The following CPNE1 variants were observed in gnomAD, a reference collection of about 807,000 sequenced individuals.
CPNE1 encodes copine-1.
In CPNE1, 58 loss-of-function variants were observed where a neutral mutation model predicts 63.2. The observed-to-expected ratio is 0.92, with a 90% CI of 0.74 to 1.14. The LOEUF (loss-of-function observed/expected upper bound fraction) is 1.14, where lower values mean the gene tolerates loss of function less well. CPNE1 is among the 50% of genes most tolerant of loss of function. The pLI is 0.00. For synonymous variants in CPNE1, 237 were observed against 249.0 expected, an observed-to-expected ratio of 0.95 and a Z score of 0.45; for missense variants, 672 against 661.7, an observed-to-expected ratio of 1.02 and a Z score of -0.17.
intron 1 of CPNE1, chr20:35,655,245 C>T (rs2033825951): frequency 6.2e-7 from 1 of 1,613,872 alleles, no homozygotes; most frequent in South Asian, 1.1e-5. Context: ...CAGGAATGGT[C>T]AATCCAGAGA....
Position 35,626,172 on chromosome 20 carries a change from G to C in CPNE1, c.*69C>G, listed in dbSNP as rs2031721149. The stretch of plus-strand genomic sequence containing the variant: ...TGCTAGCACTGAGGAGAGTGAGAAG[G>C]GTTGGGTTGTGGCCCAGAGGGACCT... On this transcript the variant is annotated 3_prime_UTR_variant, in exon 16 of 16. Transcript: ENST00000397443. The C allele has an allele frequency of 6.7e-7, 1 of 1,485,350 alleles. No individual in the cohort carries two copies. The highest frequency in any genetic ancestry group is 9.4e-7 in the Non-Finnish European group (1 of 1,063,446). The allele number at this position is 1,485,350 out of a possible 1,614,324, so 92.0% of individuals were successfully genotyped here.
intron 1 of CPNE1, among the ~76,000 whole-genome samples, chr20:35,655,832 AATCC>A (rs2146357474): frequency 6.6e-6 from 1 of 152,344 alleles, no homozygotes; most frequent in South Asian, 2.1e-4. Flanking sequence ...TCAGTCTCAA[AATCC>A]ATCCAACAGA....
chr20:35,662,806 C>T (rs768821654), intron 1 of CPNE1, among the ~76,000 whole-genome samples: 3 of 152,122 alleles, frequency 2.0e-5, no homozygotes, highest in Non-Finnish European at 4.4e-5. Context: ...AAACATTTGA[C>T]GTGTCAAAGA....
intron 1 of CPNE1, chr20:35,652,928 A>G (rs1280517542): frequency 1.2e-6 from 2 of 1,613,814 alleles, no homozygotes; most frequent in Non-Finnish European, 8.5e-7. Context: ...GGACCGCCTA[A>G]GCTACCAGGG....
In CPNE1 at chr20:35,631,286, G is replaced by A. The variant is rs780991940; in HGVS notation, c.783C>T (p.Ile261=). 4 of 1,614,062 alleles carry A rather than the reference G, an allele frequency of 2.5e-6. No individual in the cohort carries two copies. The highest frequency in any genetic ancestry group is 3.4e-6 in the Non-Finnish European group (4 of 1,180,028). ...GTCTCACCCGACAAATCTTGACACG[G>A]ATAGTTCCAGAGTTCTTGTAGCTTT... ...KKKSYKNSGT[I]RVKICRVETE... The change falls in exon 9 of 16, where the codon ATC becomes ATT. Residue 261 remains isoleucine, a synonymous_variant. Coordinates refer to ENST00000397443, the MANE Select transcript of CPNE1 (RefSeq NM_152925.3).
Position 35,632,229 on chromosome 20 carries a change from T to TGAG in CPNE1, c.387_389dup (p.Ser130dup), listed in dbSNP as rs908107392. 5.6e-6 allele frequency: 9 copies of TGAG among 1,613,980 alleles called. No individual in the cohort carries two copies. In the Admixed American group the frequency reaches 1.0e-4, roughly 18 times the overall value. ...CACGATTGTCCTTTAATTCCTGAGC[T>TGAG]GAGACCTAGGTAGGGGAGACTACAT... On this transcript the variant is annotated inframe_insertion, in exon 5 of 16. Transcript: ENST00000397443.
rs1474847975 is a variant in CPNE1, at chr20:35,631,781, A to G, written c.538-4T>C. On this transcript the variant is annotated splice_region_variant and splice_polypyrimidine_tract_variant and intron_variant, in intron 6 of 15. Transcript: ENST00000397443. Reference sequence around the variant, plus strand: ...GGTTCAGGTTGTTCTTGATGACCTGAAGGTGGAGGCCAAGGCCTCCAGTGA... The same window carrying G: ...GGTTCAGGTTGTTCTTGATGACCTGGAGGTGGAGGCCAAGGCCTCCAGTGA... 7 of 1,613,332 alleles carry G rather than the reference A, an allele frequency of 4.3e-6. No individual in the cohort carries two copies. The highest frequency in any genetic ancestry group is 5.9e-6 in the Non-Finnish European group (7 of 1,179,616).
At chr20:35,627,927 T>C (rs2031863237) in intron 13 of CPNE1, among the ~76,000 whole-genome samples, 1 of 151,532 alleles carries the variant, frequency 6.6e-6, no homozygotes, top group South Asian at 2.1e-4. Context: ...GGAGGACTGC[T>C]TGAGCCCAGG....
chr20:35,658,798 C>CAA (rs746928595), intron 1 of CPNE1: 27 of 507,540 alleles, frequency 5.3e-5, no homozygotes, highest in Admixed American at 8.3e-5. Context: ...AACAAGCAAA[C>CAA]AAAAACACAC....
At chr20:35,630,018 C>T (rs1050072514) in intron 13 of CPNE1, among the ~76,000 whole-genome samples, 3 of 152,002 alleles carry the variant, frequency 2.0e-5, no homozygotes, top group East Asian at 1.9e-4. Context: ...CTGGGTCAGG[C>T]GCTGTGGCTC....
chr20:35,631,402 C>G (rs1449454069), intron 8 of CPNE1, 48 bp from the exon 9 acceptor site: 4 of 1,607,180 alleles, frequency 2.5e-6, no homozygotes, highest in African/African-American at 1.3e-5. Context: ...GAGCATCAGT[C>G]AAGGACTCGA....
Position 35,626,217 on chromosome 20 carries a change from A to C in CPNE1, c.*24T>G, listed in dbSNP as rs771613915. 5.6e-6 allele frequency: 9 copies of C among 1,613,800 alleles called. No homozygotes were observed. The South Asian group carries it at 7.7e-5, about 14-fold the overall frequency. On this transcript the variant is annotated 3_prime_UTR_variant, in exon 16 of 16. Coordinates refer to ENST00000397443, the MANE Select transcript of CPNE1 (RefSeq NM_152925.3). ...GGACCTCTGGGACACAGGATTGAGG[A>C]CTTGCCACAGCCTCCAAGGGAACCT...
intron 1 of CPNE1, among the ~76,000 whole-genome samples, chr20:35,645,329 A>C (rs577229291): frequency 4.6e-5 from 7 of 152,326 alleles, no homozygotes; most frequent in African/African-American, 1.7e-4. Flanking sequence ...AAGCAAAGGA[A>C]TATTTCAACA....
In CPNE1 at chr20:35,632,915, G is replaced by C; in HGVS notation, c.9C>G (p.His3Gln). ...TGGACAGCTGAACCAAGGTCACGCA[G>C]TGGGCCATCTGAGGGAAAAGGAGCT... MA[H>Q]CVTLVQLSIS... The change falls in exon 2 of 16, where the codon CAC becomes CAG. Residue 3 changes from histidine (H) to glutamine (Q), a missense_variant. His to Gln is a conservative substitution (Grantham distance 24). Transcript: ENST00000397443. 1.1e-6 allele frequency: 1 copy of C among 872,196 alleles called. No individual in the cohort carries two copies. Among genetic ancestry groups the C allele is most frequent in the Non-Finnish European group, 2.0e-6 (1 of 501,240 alleles). 54.0% of individuals were successfully genotyped at this position (872,196 alleles called of 1,614,324 possible).
intron 13 of CPNE1, among the ~76,000 whole-genome samples, chr20:35,629,653 T>G (rs1295258585): frequency 6.6e-6 from 1 of 150,482 alleles, no homozygotes; most frequent in Non-Finnish European, 1.5e-5. Flanking sequence ...TCATGTGGCA[T>G]CATTTTTTTT....
intron 1 of CPNE1, among the ~76,000 whole-genome samples, chr20:35,663,171 TC>T (rs1468228976): frequency 6.6e-6 from 1 of 152,222 alleles, no homozygotes; most frequent in Non-Finnish European, 1.5e-5. Context: ...CTGCACACTT[TC>T]CACTAAATCC....
In CPNE1 at chr20:35,631,774, T is replaced by C; in HGVS notation, c.541A>G (p.Ile181Val). ...CATGTAGGGTTCAGGTTGTTCTTGA[T>C]GACCTGAAGGTGGAGGCCAAGGCCT... Reference protein sequence around the residue: ...KWHLVYRSEVIKNNLNPTWKR... With the variant: ...KWHLVYRSEVVKNNLNPTWKR... Residue 181 changes from isoleucine (I) to valine (V), a missense_variant, in exon 7 of 16, where the codon ATC (isoleucine) becomes GTC (valine). Transcript: ENST00000397443. The C allele has an allele frequency of 6.2e-7, 1 of 1,613,744 alleles. No homozygotes were observed. The highest frequency in any genetic ancestry group is 8.5e-7 in the Non-Finnish European group (1 of 1,179,838).
chr20:35,632,837 G>C lies in CPNE1; in HGVS notation c.87C>G (p.Leu29=), dbSNP rs766644899. 4.4e-5 allele frequency: 38 copies of C among 872,796 alleles called. No individual in the cohort carries two copies. Among genetic ancestry groups the C allele is most frequent in the Non-Finnish European group, 5.6e-5 (28 of 501,672 alleles). 54.1% of individuals were successfully genotyped at this position (872,796 alleles called of 1,614,324 possible). Residue 29 remains leucine (L), a synonymous_variant, in exon 2 of 16, where the codon CTC becomes CTG. Transcript: ENST00000397443. ...DKDIGSKSDP[L]CVLLQDVGGG... is the part of the protein sequence containing the mutation. ...CTCCCACATCCTGTAAAAGGACGCAGAGTGGGTCAGACTTGGAGCCGATGT... is the reference window on the plus strand; with the variant it reads ...CTCCCACATCCTGTAAAAGGACGCACAGTGGGTCAGACTTGGAGCCGATGT...
intron 1 of CPNE1, among the ~76,000 whole-genome samples, chr20:35,635,251 T>C (rs2032422929): frequency 6.6e-6 from 1 of 152,056 alleles, no homozygotes; most frequent in African/African-American, 2.4e-5. Context: ...TGCATACCCC[T>C]TTTTTGCTTT....
Sources: gnomAD v4.1 joint callset for allele counts (sites outside exome capture counted in the v4.1 genomes callset) on GRCh38, gnomAD v4.1.1 for gene constraint, MANE v1.5 for transcripts, NCBI Gene and HGNC (gene_info 2026-07-23, HGNC 2026-07-21) for gene names.